Variants in SNTG1 observed in about 807,000 individuals in gnomAD.
SNTG1 encodes the protein gamma-1-syntrophin.
SNTG1 carries 39 observed loss-of-function variants against 74.7 expected under a neutral mutation model. That is an observed-to-expected ratio of 0.52 (90% CI 0.40 to 0.68). The LOEUF (loss-of-function observed/expected upper bound fraction) is 0.68. Ranked by LOEUF, SNTG1 falls within the 30% of genes least tolerant of loss-of-function variation. The pLI, the probability that SNTG1 is intolerant of heterozygous loss-of-function variation, is 0.00. For missense variants in SNTG1, 685 were observed against 609.5 expected (o/e 1.12, Z -1.30); for synonymous variants, 254 against 217.1 (o/e 1.17, Z -1.49).
intron 2 of SNTG1, among the ~76,000 whole-genome samples, chr8:50,296,953 A>T (rs1317365792): frequency 6.6e-6 from 1 of 152,130 alleles, no homozygotes; most frequent in Non-Finnish European, 1.5e-5. Flanking sequence ...CCATCTGGAG[A>T]TTTGTTGTTC....
At chr8:50,279,485 G>C (rs568926150) in intron 2 of SNTG1, among the ~76,000 whole-genome samples, 45 of 152,056 alleles carry the variant, frequency 3.0e-4, no homozygotes, top group Admixed American at 1.1e-3. Flanking sequence ...TTCAACTAAG[G>C]CTATCTTGTC....
intron 12 of SNTG1, among the ~76,000 whole-genome samples, chr8:50,556,039 T>A (rs553291886): frequency 6.6e-6 from 1 of 152,314 alleles, no homozygotes; most frequent in Admixed American, 6.5e-5. Flanking sequence ...TTAAAAATTC[T>A]ATATAATTAT....
chr8:49,938,544 C>CTTCTTTCTTTTCTT lies in SNTG1; in HGVS notation c.-103+26319_-103+26320insCTTTTCTTTTCTTT, dbSNP rs71550209. Among the ~76,000 whole-genome samples, 24 of 105,084 alleles carry CTTCTTTCTTTTCTT rather than the reference C, an allele frequency of 2.3e-4. 1 individual carries two copies. The highest frequency in any genetic ancestry group is 8.7e-4 in the African/African-American group (22 of 25,416). The allele number at this position is 105,084 out of a possible 152,430, so 68.9% of individuals were successfully genotyped here. A position where few individuals can be genotyped will look rare whatever the true frequency, so the allele number is the denominator to read the frequency against. ...TTTGTCCCTCCCTATCTTACCATGC[C>CTTCTTTCTTTTCTT]TTCTTTTCTTTTGTTTTCTTTTCTT... On this transcript the variant is annotated intron_variant, in intron 1 of 18. Transcript: ENST00000642720.
intron 4 of SNTG1, among the ~76,000 whole-genome samples, chr8:50,425,802 G>A (rs2093156379): frequency 6.6e-6 from 1 of 152,096 alleles, no homozygotes; most frequent in Non-Finnish European, 1.5e-5. Flanking sequence ...AATATTGGAG[G>A]GTGACGTTTG....
chr8:50,366,575 A>T (rs1475021838), intron 2 of SNTG1, among the ~76,000 whole-genome samples: 1 of 151,252 alleles, frequency 6.6e-6, no homozygotes, highest in Non-Finnish European at 1.5e-5. Flanking sequence ...TCTACATTGA[A>T]AATAAGCACT....
At chr8:49,943,115 C>T (rs1808849196) in intron 1 of SNTG1, among the ~76,000 whole-genome samples, 1 of 152,092 alleles carries the variant, frequency 6.6e-6, no homozygotes, top group Non-Finnish European at 1.5e-5. Context: ...TATTTTGTTG[C>T]TCAATATGTT....
At chr8:50,512,905 T>C (rs951067314) in intron 9 of SNTG1, among the ~76,000 whole-genome samples, 2 of 152,206 alleles carry the variant, frequency 1.3e-5, no homozygotes, top group Admixed American at 1.3e-4. Flanking sequence ...TGAAGCCTTC[T>C]TCTCTCAACT....
chr8:50,517,616 C>CAAAA (rs1161724778), intron 9 of SNTG1, among the ~76,000 whole-genome samples: 61 of 62,340 alleles, frequency 9.8e-4, no homozygotes, highest in East Asian at 4.0e-3. Context: ...AAATGGAAAG[C>CAAAA]AAAAAAAAAA....
chr8:50,695,860 A>T (rs1464843792), intron 15 of SNTG1, among the ~76,000 whole-genome samples: 3 of 151,538 alleles, frequency 2.0e-5, no homozygotes, highest in South Asian at 2.1e-4. Flanking sequence ...TATATATATA[A>T]TTTTTATTAT....
chr8:49,978,453 C>T (rs1480251382), intron 1 of SNTG1, among the ~76,000 whole-genome samples: 1 of 152,172 alleles, frequency 6.6e-6, no homozygotes, highest in Admixed American at 6.5e-5. Flanking sequence ...AAATGTCTTG[C>T]TGTTGTGCAG....
At chr8:50,143,018 A>C (rs2081726909) in intron 1 of SNTG1, among the ~76,000 whole-genome samples, 1 of 151,946 alleles carries the variant, frequency 6.6e-6, no homozygotes. Flanking sequence ...ATGTTGCAAT[A>C]AGTCGAGATC....
At chr8:50,163,972 G>A (rs1183300744) in intron 1 of SNTG1, 4 of 151,478 alleles carry the variant, frequency 2.6e-5, no homozygotes, top group African/African-American at 9.7e-5. Context: ...GCAAATTATT[G>A]AACTGACAGA....
At chr8:50,293,246 G>A (rs2089202750) in intron 2 of SNTG1, among the ~76,000 whole-genome samples, 1 of 152,072 alleles carries the variant, frequency 6.6e-6, no homozygotes, top group South Asian at 2.1e-4. Flanking sequence ...AGACCAAAGT[G>A]TTGGCAGGGT....
intron 1 of SNTG1, among the ~76,000 whole-genome samples, chr8:50,083,727 T>C (rs750548594): frequency 3.9e-5 from 6 of 152,220 alleles, no homozygotes; most frequent in Non-Finnish European, 7.3e-5. Flanking sequence ...AACACAGATA[T>C]GTATCTGTGT....
At chr8:50,639,242 G>A (rs1262231750) in intron 13 of SNTG1, among the ~76,000 whole-genome samples, 2 of 149,896 alleles carry the variant, frequency 1.3e-5, no homozygotes, top group African/African-American at 4.9e-5. Flanking sequence ...AGCTATTTCT[G>A]TATTTCAGTG....
intron 13 of SNTG1, among the ~76,000 whole-genome samples, chr8:50,620,303 G>A (rs898194883): frequency 2.1e-4 from 32 of 152,190 alleles, no homozygotes; most frequent in Admixed American, 2.0e-3. Flanking sequence ...TCATTTTTCT[G>A]TCACGTCTCT....
intron 15 of SNTG1, among the ~76,000 whole-genome samples, chr8:50,667,026 T>C (rs1421728360): frequency 1.3e-5 from 2 of 151,964 alleles, no homozygotes; most frequent in African/African-American, 2.4e-5. Context: ...AATTAGAGTA[T>C]GTTTCTTATA....
intron 18 of SNTG1, among the ~76,000 whole-genome samples, chr8:50,762,128 A>T (rs1479380207): frequency 6.6e-6 from 1 of 152,072 alleles, no homozygotes; most frequent in African/African-American, 2.4e-5. Context: ...TTTCCCCCGT[A>T]TTTAAATATA....
chr8:50,064,221 G>A (rs1388668527), intron 1 of SNTG1, among the ~76,000 whole-genome samples: 1 of 152,122 alleles, frequency 6.6e-6, no homozygotes, highest in Non-Finnish European at 1.5e-5. Context: ...TAAAACAGAA[G>A]CTTTGATTCC....
Sources: allele counts gnomAD v4.1 joint callset (sites outside exome capture counted in the v4.1 genomes callset), GRCh38; gene constraint gnomAD v4.1.1; transcripts MANE v1.5; gene names NCBI Gene and HGNC (gene_info 2026-07-23, HGNC 2026-07-21).